ALDH1L2: variants seen among roughly 807,000 people sequenced by gnomAD.
The protein encoded by ALDH1L2 is mitochondrial 10-formyltetrahydrofolate dehydrogenase.
In ALDH1L2, 91 loss-of-function variants were observed where a neutral mutation model predicts 111.0. That is an observed-to-expected ratio of 0.82 (90% CI 0.69 to 0.98). The LOEUF (loss-of-function observed/expected upper bound fraction) is 0.98, where lower values mean the gene tolerates loss of function less well. Ranked by LOEUF, ALDH1L2 falls within the 50% of genes least tolerant of loss-of-function variation. ALDH1L2 has a pLI of 0.00. For synonymous variants in ALDH1L2, 374 were observed against 392.6 expected (o/e 0.95, Z 0.56); for missense variants, 995 against 1,126.8 (o/e 0.88, Z 1.67).
intron 10 of ALDH1L2, among the ~76,000 whole-genome samples, chr12:105,055,562 GA>G (rs369871678): frequency 1.3e-5 from 2 of 151,606 alleles, no homozygotes; most frequent in Non-Finnish European, 2.9e-5. Flanking sequence ...ATAAACAGGT[GA>G]AAAAAAAGCA....
chr12:105,045,312 T>C (rs1875775971), intron 15 of ALDH1L2, among the ~76,000 whole-genome samples: 1 of 152,220 alleles, frequency 6.6e-6, no homozygotes, highest in South Asian at 2.1e-4. Flanking sequence ...CTTGAACTCC[T>C]GACCTCAAGT....
At position 105,061,652 on chromosome 12, in the gene ALDH1L2, T is replaced by G. The variant is rs975058854; in HGVS notation, c.1022A>C (p.Glu341Ala). 5 of 1,614,076 alleles carry G rather than the reference T, an allele frequency of 3.1e-6. No individual in the cohort carries two copies. The highest frequency in any genetic ancestry group is 3.4e-6 in the Non-Finnish European group (4 of 1,180,042). ...ETSVVELTAE[E>A]VKVAETIKVI... ...CTTGATGGTCTCTGCCACTTTCACC[T>G]CTTCAGCTGTCAGTTCTACCACTGA... The change falls in exon 8 of 23, where the codon GAG becomes GCG. Residue 341 changes from glutamate (E) to alanine (A), a missense_variant. Physicochemically the swap from Glu to Ala is moderately radical, Grantham distance 107. Transcript: ENST00000258494.
At chr12:105,042,919 G>C (rs150639955) in intron 15 of ALDH1L2, among the ~76,000 whole-genome samples, 259 of 152,312 alleles carry the variant, frequency 1.7e-3, no homozygotes, top group African/African-American at 6.0e-3. Context: ...CGTCCATTCA[G>C]TCTTAAGTCA....
At position 105,066,688 on chromosome 12, in the gene ALDH1L2, C is replaced by A. The variant is rs1225488684; in HGVS notation, c.595-19G>T. 1.2e-6 allele frequency: 2 copies of A among 1,603,010 alleles called. No homozygotes were observed. The highest frequency in any genetic ancestry group is 2.2e-5 in the South Asian group (2 of 90,792). On this transcript the variant is annotated intron_variant, in intron 4 of 22. Transcript: ENST00000258494. ...CTTCTACCTAAGGCCAAAGACATCACCTGTGTTACAGCCCAATGATCAACA... is the reference window on the plus strand; with the variant it reads ...CTTCTACCTAAGGCCAAAGACATCAACTGTGTTACAGCCCAATGATCAACA...
intron 6 of ALDH1L2, among the ~76,000 whole-genome samples, chr12:105,063,600 T>C (rs10778367): frequency 0.88 from 132,844 of 151,660 alleles, 58,473 homozygotes; most frequent in East Asian, 1. Flanking sequence ...ATCACATATT[T>C]GCATTGATAC....
chr12:105,083,331 C>T (rs1335582735), intron 1 of ALDH1L2, among the ~76,000 whole-genome samples: 1 of 151,572 alleles, frequency 6.6e-6, no homozygotes, highest in Non-Finnish European at 1.5e-5. Context: ...TTCCCCACCC[C>T]CACCCCTCGT....
In ALDH1L2 at chr12:105,039,823, T is replaced by A; in HGVS notation, c.1952-17A>T. The A allele has an allele frequency of 6.2e-7, 1 of 1,612,244 alleles. No homozygotes were observed. The highest frequency in any genetic ancestry group is 1.7e-5 in the Admixed American group (1 of 59,972). On this transcript the variant is annotated splice_polypyrimidine_tract_variant and intron_variant, in intron 16 of 22. Coordinates refer to ENST00000258494, the MANE Select transcript of ALDH1L2 (RefSeq NM_001034173.4). ...CTATGCCACCTGTAGAATTAGGGAA[T>A]AAAACGGGAATTAAAACATACTCAA...
At chr12:105,054,024 A>C (rs1876458129) in intron 10 of ALDH1L2, among the ~76,000 whole-genome samples, 1 of 152,112 alleles carries the variant, frequency 6.6e-6, no homozygotes, top group Non-Finnish European at 1.5e-5. Flanking sequence ...TGTTAGGAGA[A>C]TCAAATTATA....
intron 21 of ALDH1L2, among the ~76,000 whole-genome samples, chr12:105,027,242 G>A (rs965790475): frequency 6.6e-6 from 1 of 152,142 alleles, no homozygotes; most frequent in Non-Finnish European, 1.5e-5. Flanking sequence ...AATATTACTA[G>A]TATTACATTT....
At chr12:105,071,613 A>ATTATATAT (rs1877692176) in intron 2 of ALDH1L2, among the ~76,000 whole-genome samples, 1 of 43,008 alleles carries the variant, frequency 2.3e-5, no homozygotes, top group African/African-American at 8.5e-5. Context: ...ATATATAAGT[A>ATTATATAT]GTATATATAT....
intron 10 of ALDH1L2, among the ~76,000 whole-genome samples, chr12:105,056,191 A>G (rs1242943924): frequency 6.6e-6 from 1 of 152,184 alleles, no homozygotes; most frequent in Non-Finnish European, 1.5e-5. Context: ...CATACAAAAG[A>G]GTCCTTAATA....
At chr12:105,063,121 T>C (rs933538778) in intron 6 of ALDH1L2, 99 bp from the exon 7 acceptor site, 23 of 1,293,614 alleles carry the variant, frequency 1.8e-5, no homozygotes, top group Admixed American at 5.3e-5. Flanking sequence ...GAAGTTCATA[T>C]TATCATCTGT....
chr12:105,037,321 T>G (rs1319526296), intron 18 of ALDH1L2, among the ~76,000 whole-genome samples: 1 of 152,210 alleles, frequency 6.6e-6, no homozygotes, highest in African/African-American at 2.4e-5. Flanking sequence ...GCCCTTTACC[T>G]AACTTCCCCC....
At chr12:105,071,897 G>A (rs1877753697) in intron 2 of ALDH1L2, among the ~76,000 whole-genome samples, 1 of 149,028 alleles carries the variant, frequency 6.7e-6, no homozygotes, top group South Asian at 2.1e-4. Context: ...GACCAGCGTG[G>A]ACAACATAAT....
chr12:105,074,535 A>G (rs1592809799), intron 1 of ALDH1L2, among the ~76,000 whole-genome samples: 4 of 151,664 alleles, frequency 2.6e-5, no homozygotes, highest in African/African-American at 7.3e-5. Context: ...ATGACTTCCT[A>G]TGAGCTTCCT....
At chr12:105,069,639 A>G (rs1268472394) in intron 3 of ALDH1L2, among the ~76,000 whole-genome samples, 1 of 152,220 alleles carries the variant, frequency 6.6e-6, no homozygotes, top group East Asian at 1.9e-4. Flanking sequence ...AAATCAATCC[A>G]TGTCATCAAA....
intron 15 of ALDH1L2, among the ~76,000 whole-genome samples, chr12:105,043,032 A>C (rs956865231): frequency 1.3e-5 from 2 of 152,222 alleles, no homozygotes; most frequent in Non-Finnish European, 2.9e-5. Flanking sequence ...TAGCTGACAA[A>C]GATATGAAAT....
chr12:105,075,130 A>G (rs1877974399), intron 1 of ALDH1L2, among the ~76,000 whole-genome samples: 1 of 152,256 alleles, frequency 6.6e-6, no homozygotes, highest in Non-Finnish European at 1.5e-5. Context: ...ACCACTTACC[A>G]TTACCAATGC....
At chr12:105,032,364 A>G (rs1874759778) in intron 19 of ALDH1L2, among the ~76,000 whole-genome samples, 1 of 151,594 alleles carries the variant, frequency 6.6e-6, no homozygotes, top group Non-Finnish European at 1.5e-5. Context: ...TTAGCCTCCC[A>G]AGTAGCTGGG....
Sources: allele counts gnomAD v4.1 joint callset (sites outside exome capture counted in the v4.1 genomes callset), GRCh38; gene constraint gnomAD v4.1.1; transcripts MANE v1.5; gene names NCBI Gene and HGNC (gene_info 2026-07-23, HGNC 2026-07-21).